Variants in CD81 observed in about 807,000 individuals in gnomAD.
The protein encoded by CD81 is CD81 molecule, also known as CD81 antigen.
Under a neutral mutation model 30.1 loss-of-function variants are expected in CD81, and 10 were observed. The ratio of observed to expected loss-of-function variants is 0.33; its 90% CI spans 0.21 to 0.56. CD81 has a LOEUF of 0.56. Ranked by LOEUF, CD81 falls within the 20% of genes least tolerant of loss-of-function variation. CD81 has a pLI of 0.89. For synonymous variants in CD81, 147 were observed against 126.4 expected (o/e 1.16, Z -1.10); for missense variants, 263 against 308.7 (o/e 0.85, Z 1.11).
rs541203101 is a variant in CD81, at chr11:2,397,364, G to A, written c.*498G>A. On this transcript the variant is annotated 3_prime_UTR_variant, in exon 8 of 8. Transcript: ENST00000263645. ...ACTGTAATCACAACATCCTGACTCC[G>A]TCATTTAATAAAGAAGGAACATCAG... 11 of 201,738 alleles carry A rather than the reference G, an allele frequency of 5.5e-5. No homozygotes were observed. Among genetic ancestry groups the A allele is most frequent in the East Asian group, 5.2e-4 (4 of 7,646 alleles). The allele number at this position is 201,738 out of a possible 1,614,324, so 12.5% of individuals were successfully genotyped here.
chr11:2,395,010 G>A lies in CD81; in HGVS notation c.318G>A (p.Val106=). ...TCLVILFACE[V]AAGIWGFVNK... Reference sequence around the variant, plus strand: ...TGGTCATCCTGTTTGCCTGTGAGGTGGCCGCCGGCATCTGGGGCTTTGTCA... The same window carrying A: ...TGGTCATCCTGTTTGCCTGTGAGGTAGCCGCCGGCATCTGGGGCTTTGTCA... The change falls in exon 4 of 8, where the codon GTG becomes GTA. Residue 106 remains valine (V), a synonymous_variant. Transcript: ENST00000263645. 6.2e-7 allele frequency: 1 copy of A among 1,612,626 alleles called. No homozygotes were observed. Among genetic ancestry groups the A allele is most frequent in the Non-Finnish European group, 8.5e-7 (1 of 1,179,982 alleles).
rs1430779109 is a variant in CD81 at position 2,378,503 on chromosome 11, G to A, written c.66+888G>A. 6.6e-6 allele frequency among the ~76,000 whole-genome samples: 1 copy of A among 152,228 alleles called. No homozygotes were observed. Among genetic ancestry groups the A allele is most frequent in the Non-Finnish European group, 1.5e-5 (1 of 68,034 alleles). On this transcript the variant is annotated intron_variant, in intron 1 of 7. Transcript: ENST00000263645. This position sits in a 1 kb window ranked among gnomAD's most constrained non-coding sequence, Gnocchi z 4.9. ...TGGGTGCCAGCGTGGGTGGAGGAGG[G>A]TCTTTTGCTGAGAATGGCTTTCTCC...
At chr11:2,390,303 G>C in intron 1 of CD81, 109 bp from the exon 2 acceptor site, 1 of 870,038 alleles carries the variant, frequency 1.1e-6, no homozygotes, top group Non-Finnish European at 1.9e-6. Flanking sequence ...CCTGGTCCCT[G>C]CTCGGGAGCC....
chr11:2,391,574 A>G (rs60538748), intron 2 of CD81: 15,913 of 152,276 alleles, frequency 0.1, 2,398 homozygotes, highest in African/African-American at 0.34. Context: ...AGATGGTGTC[A>G]ACAGGGATGG....
At chr11:2,388,758 G>T (rs1402884193) in intron 1 of CD81, among the ~76,000 whole-genome samples, 2 of 152,168 alleles carry the variant, frequency 1.3e-5, no homozygotes, top group Non-Finnish European at 2.9e-5. Context: ...TCCTCACCTG[G>T]CTGATTTCAT....
chr11:2,384,461 GCTTGTGGGGTGGGGCAT>G (rs1274268761), intron 1 of CD81, among the ~76,000 whole-genome samples: 2 of 107,120 alleles, frequency 1.9e-5, no homozygotes, highest in Admixed American at 1.1e-4. Context: ...GGGTAGGGCG[GCTTGTGGGGTGGGGCAT>G]CTTGTGGGGT....
intron 1 of CD81, 109 bp from the exon 2 acceptor site, chr11:2,390,303 G>A (rs1849875318): frequency 1.1e-6 from 1 of 870,038 alleles, no homozygotes; most frequent in Non-Finnish European, 1.9e-6. Flanking sequence ...CCTGGTCCCT[G>A]CTCGGGAGCC....
At chr11:2,394,817 GGGCT>G in intron 3 of CD81, 151 bp from the exon 4 acceptor site, 1 of 735,900 alleles carries the variant, frequency 1.4e-6, no homozygotes. Flanking sequence ...CTGTGCCCCA[GGGCT>G]CCACACAAGC....
chr11:2,395,768 G>T, intron 5 of CD81, 101 bp from the exon 6 acceptor site: 1 of 846,180 alleles, frequency 1.2e-6, no homozygotes, highest in African/African-American at 1.7e-5. Flanking sequence ...ATTCTGCAGT[G>T]GGGAGCGCTG....
intron 1 of CD81, chr11:2,379,144 T>C: frequency 4.4e-6 from 2 of 454,394 alleles, no homozygotes; most frequent in Non-Finnish European, 8.8e-6. Context: ...CCCAGGCATG[T>C]GGGAGAGGCA....
upstream of CD81, among the ~76,000 whole-genome samples, chr11:2,376,584 C>G (rs993298657): frequency 6.6e-6 from 1 of 152,224 alleles, no homozygotes; most frequent in African/African-American, 2.4e-5. Flanking sequence ...TGGGGCACGA[C>G]ACAACCAGGA....
At chr11:2,380,272 G>T (rs1358350193) in intron 1 of CD81, among the ~76,000 whole-genome samples, 1 of 152,120 alleles carries the variant, frequency 6.6e-6, no homozygotes, top group Non-Finnish European at 1.5e-5. Context: ...TGGGGAGGAG[G>T]TTGACAATGG....
At chr11:2,376,342 C>A (rs1327767110), upstream of CD81, 1 of 152,240 alleles carries the variant, frequency 6.6e-6, no homozygotes, top group Non-Finnish European at 1.5e-5. Flanking sequence ...CGGACCTGGT[C>A]CCACGTGGTT....
intron 2 of CD81, chr11:2,391,171 G>C: frequency 6.0e-6 from 1 of 165,896 alleles, no homozygotes; most frequent in South Asian, 1.5e-4. Flanking sequence ...TCCTCCTGGT[G>C]CCCCTGGCAG....
Position 2,397,337 on chromosome 11 carries a change from C to A in CD81, c.*471C>A. 4.6e-6 allele frequency: 1 copy of A among 218,456 alleles called. No homozygotes were observed. Among genetic ancestry groups the A allele is most frequent in the Non-Finnish European group, 9.3e-6 (1 of 107,248 alleles). The allele number at this position is 218,456 out of a possible 1,614,324, so 13.5% of individuals were successfully genotyped here. ...CCTGTCCTTTCTAACACGTCGCCTT[C>A]AACTGTAATCACAACATCCTGACTC... On this transcript the variant is annotated 3_prime_UTR_variant, in exon 8 of 8. Coordinates refer to ENST00000263645, the MANE Select transcript of CD81 (RefSeq NM_004356.4).
rs768260681 is a variant in CD81 at position 2,395,951 on chromosome 11, T to A, written c.542T>A (p.Ile181Asn). ...KNNLCPSGSN[I>N]ISNLFKEDCH... ...AATTTGTGTCCCTCGGGCAGCAACATCATCAGCAACCTCTTCAAGGTGCGC... is the reference window on the plus strand; with the variant it reads ...AATTTGTGTCCCTCGGGCAGCAACAACATCAGCAACCTCTTCAAGGTGCGC... Residue 181 changes from isoleucine (I) to asparagine (N), a missense_variant, in exon 6 of 8, where the codon ATC becomes AAC. By Grantham distance (149) the Ile-to-Asn change is moderately radical (BLOSUM62 -3). Coordinates refer to ENST00000263645, the MANE Select transcript of CD81 (RefSeq NM_004356.4). The A allele has an allele frequency of 4.8e-5, 77 of 1,611,186 alleles. No individual in the cohort carries two copies. Among genetic ancestry groups the A allele is most frequent in the Non-Finnish European group, 6.4e-5 (76 of 1,178,760 alleles).
chr11:2,390,883 G>A (rs372407339), intron 2 of CD81, among the ~76,000 whole-genome samples: 4 of 152,134 alleles, frequency 2.6e-5, no homozygotes, highest in South Asian at 4.1e-4. Context: ...TGTGGAGCCC[G>A]GGAGGGAGGG....
At chr11:2,396,031 C>A in intron 6 of CD81, 61 bp downstream of exon 6, 2 of 1,164,960 alleles carry the variant, frequency 1.7e-6, no homozygotes, top group Non-Finnish European at 1.3e-6. Flanking sequence ...GGGTGGGGTC[C>A]TAGGGGTGGG....
In CD81 at chr11:2,390,327, G is replaced by T. The variant is rs544171070; in HGVS notation, c.67-85G>T. The T allele has an allele frequency of 1.0e-4, 106 of 1,034,748 alleles. No homozygotes were observed. In the South Asian group the frequency reaches 1.3e-3, roughly 12 times the overall value. 64.1% of individuals were successfully genotyped at this position (1,034,748 alleles called of 1,614,324 possible). A position where few individuals can be genotyped will look rare whatever the true frequency, so the allele number is the denominator to read the frequency against. On this transcript the variant is annotated intron_variant, in intron 1 of 7. Coordinates refer to ENST00000263645, the MANE Select transcript of CD81 (RefSeq NM_004356.4). ...TGCTCGGGAGCCAGCAAGGCAGGAG[G>T]CTGCTTAGGCCTTGCGTGTGGGGTG...
Sources: gnomAD v4.1 joint callset for allele counts (sites outside exome capture counted in the v4.1 genomes callset) on GRCh38, gnomAD v4.1.1 for gene constraint, Gnocchi (gnomAD v3.1) non-coding constraint, MANE v1.5 for transcripts, NCBI Gene and HGNC (gene_info 2026-07-23, HGNC 2026-07-21) for gene names.